The following SNX24 variants were observed in gnomAD, a reference collection of about 807,000 sequenced individuals.
The protein encoded by SNX24 is sorting nexin 24.
In SNX24, 22 loss-of-function variants were observed where a neutral mutation model predicts 28.7. That is an observed-to-expected ratio of 0.77 (90% CI 0.55 to 1.10). SNX24 has a LOEUF of 1.10. SNX24 is among the 50% of genes least tolerant of loss of function. SNX24 has a pLI of 0.00. For synonymous variants in SNX24, 69 were observed against 71.5 expected (o/e 0.96, Z 0.18); for missense variants, 221 against 201.1 (o/e 1.10, Z -0.60).
chr5:122,913,976 G>C (rs915811834), intron 1 of SNX24, among the ~76,000 whole-genome samples: 25 of 152,302 alleles, frequency 1.6e-4, no homozygotes, highest in African/African-American at 6.0e-4. Context: ...CAGGCGTGGC[G>C]GCGCGCACCT....
At position 122,990,084 on chromosome 5, in the gene SNX24, T is replaced by G. The variant is rs1761769828; in HGVS notation, c.250-9828T>G. ...CTCCTAACTTTCTTTATAGATATGT[T>G]TTTTATTTTATAGCCTATGAGCCAT... On this transcript the variant is annotated intron_variant, in intron 3 of 6. Coordinates refer to ENST00000261369, the MANE Select transcript of SNX24 (RefSeq NM_014035.4). Among the ~76,000 whole-genome samples, 3 of 152,220 alleles carry G rather than the reference T, an allele frequency of 2.0e-5. No individual in the cohort carries two copies. In the South Asian group the frequency reaches 6.2e-4, roughly 32 times the overall value.
chr5:122,951,592 C>T (rs1759945053), intron 3 of SNX24, among the ~76,000 whole-genome samples: 1 of 152,150 alleles, frequency 6.6e-6, no homozygotes, highest in South Asian at 2.1e-4. Flanking sequence ...GAGATGACTT[C>T]CTGTCTTCCC....
chr5:122,881,281 A>G (rs925235294), intron 1 of SNX24, among the ~76,000 whole-genome samples: 1 of 152,158 alleles, frequency 6.6e-6, no homozygotes, highest in African/African-American at 2.4e-5. Flanking sequence ...TTTTATCTTT[A>G]AAATAGTTGC....
intron 1 of SNX24, among the ~76,000 whole-genome samples, chr5:122,861,669 T>C (rs1215588311): frequency 2.0e-5 from 3 of 152,126 alleles, no homozygotes; most frequent in Non-Finnish European, 4.4e-5. Context: ...TTAGATTGGG[T>C]ATATTTGAAA....
chr5:122,883,639 A>G (rs1756572674), intron 1 of SNX24, among the ~76,000 whole-genome samples: 1 of 151,994 alleles, frequency 6.6e-6, no homozygotes, highest in African/African-American at 2.4e-5. Flanking sequence ...GGGTTGTCAC[A>G]TTATTTATTC....
intron 1 of SNX24, among the ~76,000 whole-genome samples, chr5:122,912,193 G>A (rs1370516267): frequency 1.5e-5 from 2 of 137,724 alleles, no homozygotes; most frequent in African/African-American, 5.7e-5. Flanking sequence ...CACGTCCCTT[G>A]TAAGTTGGAT....
intron 1 of SNX24, among the ~76,000 whole-genome samples, chr5:122,920,951 C>T (rs1213471593): frequency 6.6e-6 from 1 of 152,086 alleles, no homozygotes; most frequent in African/African-American, 2.4e-5. Context: ...GTCTCAAACT[C>T]CTAACGTCAA....
chr5:123,002,098 T>C (rs1762268431), intron 6 of SNX24, 94 bp downstream of exon 6: 1 of 975,532 alleles, frequency 1.0e-6, no homozygotes, highest in East Asian at 2.4e-5. Context: ...AGAGTGACAT[T>C]GGTCCCGGGC....
intron 1 of SNX24, among the ~76,000 whole-genome samples, chr5:122,867,531 C>T (rs1755775476): frequency 6.6e-6 from 1 of 151,288 alleles, no homozygotes; most frequent in African/African-American, 2.4e-5. Context: ...ATTGGGTGCT[C>T]TGCAGTGGCT....
intron 1 of SNX24, among the ~76,000 whole-genome samples, chr5:122,887,339 C>T (rs76720552): frequency 7.2e-5 from 11 of 152,278 alleles, no homozygotes; most frequent in African/African-American, 2.4e-4. Context: ...ATCTGATTTT[C>T]TCTCTAATAG....
chr5:122,925,598 G>T (rs181776783), intron 1 of SNX24, among the ~76,000 whole-genome samples: 11 of 152,106 alleles, frequency 7.2e-5, no homozygotes, highest in African/African-American at 2.4e-4. Context: ...GGGCCCTCAT[G>T]AACAGTCTTC....
intron 1 of SNX24, among the ~76,000 whole-genome samples, chr5:122,863,521 C>A (rs1239392585): frequency 6.9e-6 from 1 of 145,614 alleles, no homozygotes; most frequent in Non-Finnish European, 1.5e-5. Context: ...GTTGGCTTTT[C>A]TTTTTTCTTT....
At chr5:122,851,135 G>T (rs1754899525) in intron 1 of SNX24, among the ~76,000 whole-genome samples, 1 of 152,120 alleles carries the variant, frequency 6.6e-6, no homozygotes, top group African/African-American at 2.4e-5. Flanking sequence ...CAATACAAAA[G>T]TATGAATGTA....
intron 1 of SNX24, among the ~76,000 whole-genome samples, chr5:122,914,943 A>G (rs1017533476): frequency 2.0e-5 from 3 of 152,236 alleles, no homozygotes; most frequent in African/African-American, 7.2e-5. Flanking sequence ...ATGATGCCTG[A>G]CCACTTTTCC....
intron 1 of SNX24, among the ~76,000 whole-genome samples, chr5:122,898,254 T>C (rs1001376722): frequency 2.0e-5 from 3 of 152,236 alleles, no homozygotes; most frequent in Non-Finnish European, 4.4e-5. Context: ...TTAAATCATC[T>C]TCAACCCTAT....
At chr5:122,881,287 G>T (rs958096378) in intron 1 of SNX24, among the ~76,000 whole-genome samples, 9 of 152,042 alleles carry the variant, frequency 5.9e-5, no homozygotes. Context: ...CTTTAAAATA[G>T]TTGCCTTTTT....
intron 3 of SNX24, among the ~76,000 whole-genome samples, chr5:122,946,683 T>G (rs1759703175): frequency 6.6e-6 from 1 of 152,212 alleles, no homozygotes; most frequent in Admixed American, 6.5e-5. Context: ...TGGGACACTC[T>G]TTTCTGCAGC....
intron 1 of SNX24, among the ~76,000 whole-genome samples, chr5:122,867,963 A>G (rs1325045680): frequency 2.0e-5 from 3 of 152,180 alleles, no homozygotes; most frequent in African/African-American, 7.2e-5. Flanking sequence ...TTACAATCAA[A>G]TGTACTGCTT....
chr5:122,856,373 T>C (rs1278427128), intron 1 of SNX24, among the ~76,000 whole-genome samples: 2 of 152,170 alleles, frequency 1.3e-5, no homozygotes, highest in African/African-American at 4.8e-5. Flanking sequence ...CAGTCTACTG[T>C]TGATGGGCAT....
Sources: gnomAD v4.1 joint callset for allele counts (sites outside exome capture counted in the v4.1 genomes callset) on GRCh38, gnomAD v4.1.1 for gene constraint, MANE v1.5 for transcripts, NCBI Gene and HGNC (gene_info 2026-07-23, HGNC 2026-07-21) for gene names.